The following PDK3 variants were observed in gnomAD, a reference collection of about 807,000 sequenced individuals.
PDK3 encodes pyruvate dehydrogenase kinase 3, also known as pyruvate dehydrogenase kinase, isozyme 3.
In PDK3, 12 loss-of-function variants were observed where a neutral mutation model predicts 32.0. The observed-to-expected ratio is 0.37, with a 90% CI of 0.24 to 0.61. The LOEUF (loss-of-function observed/expected upper bound fraction) is 0.61, where lower values mean the gene tolerates loss of function less well. Among genes scored for constraint, PDK3 ranks in the 20% least tolerant of loss-of-function variants. PDK3 has a pLI of 0.65. For synonymous variants in PDK3, 122 were observed against 116.3 expected (o/e 1.05, Z -0.31); for missense variants, 188 against 316.9 (o/e 0.59, Z 3.09).
chrX:24,505,096 A>G (rs2148192313), intron 4 of PDK3, 113 bp from the exon 5 acceptor site: 2 of 467,808 alleles, frequency 4.3e-6, no homozygotes, highest in East Asian at 7.9e-5. Flanking sequence ...GGATGCTAAA[A>G]TGATTTTTAC....
At chrX:24,473,726 C>T (rs1193108826) in intron 1 of PDK3, among the ~76,000 whole-genome samples, 1 of 111,507 alleles carries the variant, frequency 9.0e-6, no homozygotes, top group Non-Finnish European at 1.9e-5. Context: ...CATGAGTCAC[C>T]GTGCCTGGCC....
chrX:24,494,623 G>T lies in PDK3; in HGVS notation c.107-119G>T, dbSNP rs1298993611. The stretch of plus-strand genomic sequence containing the variant: ...TTCAAAGGATAAAAATTCAACTAGA[G>T]ACTGCAGGATTATTTAATTTTCTCT... On this transcript the variant is annotated intron_variant, in intron 1 of 10. Coordinates refer to ENST00000379162, the MANE Select transcript of PDK3 (RefSeq NM_005391.5). 5 of 408,414 alleles carry T rather than the reference G, an allele frequency of 1.2e-5. No homozygotes were observed. In the African/African-American group the frequency reaches 1.3e-4, roughly 11 times the overall value. 33.7% of individuals were successfully genotyped at this position (408,414 alleles called of 1,213,427 possible).
intron 1 of PDK3, among the ~76,000 whole-genome samples, chrX:24,483,715 T>TTG (rs1921322624): frequency 9.0e-6 from 1 of 111,690 alleles, no homozygotes; most frequent in African/African-American, 3.3e-5. Context: ...CGAGGTTTTT[T>TTG]TGTGTGTGTG....
At chrX:24,486,836 G>C (rs1036062636) in intron 1 of PDK3, among the ~76,000 whole-genome samples, 1 of 110,767 alleles carries the variant, frequency 9.0e-6, no homozygotes, top group African/African-American at 3.3e-5. Context: ...TCCCTATGTT[G>C]CCTGGGCTGG....
intron 1 of PDK3, among the ~76,000 whole-genome samples, chrX:24,468,817 A>G (rs980768175): frequency 8.9e-5 from 10 of 112,432 alleles, no homozygotes; most frequent in South Asian, 3.6e-4. Context: ...TATTATGGCA[A>G]TAGTACATTC....
exon 12 of PDK3, chrX:24,548,600 G>A (rs1326250758): frequency 8.9e-6 from 1 of 112,178 alleles, no homozygotes; most frequent in Non-Finnish European, 1.9e-5. Context: ...ACACAGCACT[G>A]GTTTTAACTA....
At position 24,531,881 on chromosome X, in the gene PDK3, C is replaced by T. The variant is rs756300440; in HGVS notation, c.1077+111C>T. ...ATCTCTTAGATTCATCTCAGATTTA[C>T]TTCATTTTCCCATGAAAACCATGTT... On this transcript the variant is annotated intron_variant, in intron 10 of 10. Transcript: ENST00000379162. 5 of 418,739 alleles carry T rather than the reference C, an allele frequency of 1.2e-5. No homozygotes were observed. In the South Asian group the frequency reaches 2.7e-4, roughly 22 times the overall value. The allele number at this position is 418,739 out of a possible 1,213,427, so 34.5% of individuals were successfully genotyped here. A position where few individuals can be genotyped will look rare whatever the true frequency, so the allele number is the denominator to read the frequency against.
chrX:24,507,448 T>G (rs1602116591), intron 5 of PDK3, among the ~76,000 whole-genome samples: 1 of 112,091 alleles, frequency 8.9e-6, no homozygotes, highest in African/African-American at 3.2e-5. Flanking sequence ...TTAAGTAACC[T>G]CTTTGGGGCT....
At chrX:24,483,709 G>T (rs1303209908) in intron 1 of PDK3, among the ~76,000 whole-genome samples, 1 of 111,597 alleles carries the variant, frequency 9.0e-6, no homozygotes, top group African/African-American at 3.3e-5. Flanking sequence ...GCGATCCGAG[G>T]TTTTTTTGTG....
intron 5 of PDK3, among the ~76,000 whole-genome samples, chrX:24,509,133 A>T: frequency 8.9e-6 from 1 of 112,019 alleles, no homozygotes; most frequent in Non-Finnish European, 1.9e-5. Context: ...GCTGAAGGTT[A>T]TATGAAGAAT....
intron 1 of PDK3, among the ~76,000 whole-genome samples, chrX:24,492,198 C>T (rs1602108599): frequency 8.9e-6 from 1 of 112,054 alleles, no homozygotes; most frequent in Admixed American, 9.5e-5. Flanking sequence ...AAATTATATT[C>T]ATCCAGAACC....
chrX:24,494,770 A>G lies in PDK3; in HGVS notation c.135A>G (p.Ser45=). 8.4e-7 allele frequency: 1 copy of G among 1,196,454 alleles called. No homozygotes were observed. The highest frequency in any genetic ancestry group is 1.1e-6 in the Non-Finnish European group (1 of 882,888). The change falls in exon 2 of 11, where the codon TCA becomes TCG. Residue 45 remains serine, a synonymous_variant. Coordinates refer to ENST00000379162, the MANE Select transcript of PDK3 (RefSeq NM_005391.5). The stretch of plus-strand genomic sequence containing the variant: ...GAGATAATGCATGTGAGAAAACTTC[A>G]TATATGTTTCTACGAAAGGAACTTC... ...FGRDNACEKT[S]YMFLRKELPV...
intron 1 of PDK3, among the ~76,000 whole-genome samples, chrX:24,473,220 A>G (rs1921018430): frequency 9.5e-6 from 1 of 105,115 alleles, no homozygotes; most frequent in Non-Finnish European, 2.0e-5. Context: ...CTAAAAATAC[A>G]AAAATTAGCC....
intron 1 of PDK3, among the ~76,000 whole-genome samples, chrX:24,470,880 T>C (rs747129621): frequency 9.1e-6 from 1 of 109,773 alleles, no homozygotes; most frequent in African/African-American, 3.3e-5. Flanking sequence ...ATTAGTTTTA[T>C]GACTTTTGTT....
intron 4 of PDK3, among the ~76,000 whole-genome samples, chrX:24,503,915 T>C (rs1569223388): frequency 8.9e-6 from 1 of 112,492 alleles, no homozygotes; most frequent in African/African-American, 3.2e-5. Flanking sequence ...CTGGAAATAT[T>C]GAATTGGATG....
chrX:24,528,258 TC>T, intron 9 of PDK3, 72 bp downstream of exon 9: 1 of 555,290 alleles, frequency 1.8e-6, no homozygotes, highest in Non-Finnish European at 3.1e-6. Context: ...GCTGCCTCTC[TC>T]CCCAGGTTGT....
At chrX:24,473,237 G>A (rs940685022) in intron 1 of PDK3, among the ~76,000 whole-genome samples, 5 of 104,852 alleles carry the variant, frequency 4.8e-5, no homozygotes, top group Non-Finnish European at 7.8e-5. Flanking sequence ...AGCCAGGCAT[G>A]GTGGTGGGCG....
At chrX:24,496,771 CTTTTTTTT>C (rs376346872) in intron 2 of PDK3, among the ~76,000 whole-genome samples, 2 of 35,393 alleles carry the variant, frequency 5.7e-5, no homozygotes, top group African/African-American at 1.5e-4. Flanking sequence ...TCAAAATAAT[CTTTTTTTT>C]TTTTTTTTTT....
At chrX:24,495,319 A>T (rs1295095198) in intron 2 of PDK3, among the ~76,000 whole-genome samples, 1 of 112,468 alleles carries the variant, frequency 8.9e-6, no homozygotes, top group African/African-American at 3.2e-5. Context: ...TTGCTCCATG[A>T]AAAGTAGGAA....
Sources: allele counts gnomAD v4.1 joint callset (sites outside exome capture counted in the v4.1 genomes callset), GRCh38; gene constraint gnomAD v4.1.1; transcripts MANE v1.5; gene names NCBI Gene and HGNC (gene_info 2026-07-23, HGNC 2026-07-21).